Variants in TNS1 observed in about 807,000 individuals in gnomAD.
The protein encoded by TNS1 is tensin-1.
In TNS1, 62 loss-of-function variants were observed where a neutral mutation model predicts 168.6. That is an observed-to-expected ratio of 0.37 (90% CI 0.30 to 0.45). The LOEUF is 0.45. TNS1 is among the 20% of genes least tolerant of loss of function. The pLI, the probability that TNS1 is intolerant of heterozygous loss-of-function variation, is 1.00. For synonymous variants in TNS1, 934 were observed against 933.2 expected, an observed-to-expected ratio of 1.00 and a Z score of -0.02; for missense variants, 2,240 against 2,339.4, an observed-to-expected ratio of 0.96 and a Z score of 0.88.
chr2:217,987,122 G>A (rs940951508), intron 2 of TNS1: 1 of 152,186 alleles, frequency 6.6e-6, no homozygotes, highest in Non-Finnish European at 1.5e-5. Flanking sequence ...GTGAGAAGCA[G>A]GGCCAGAAGT....
upstream of TNS1, among the ~76,000 whole-genome samples, chr2:218,006,651 G>A (rs933473756): frequency 7.9e-5 from 12 of 152,244 alleles, no homozygotes; most frequent in Admixed American, 5.2e-4. Flanking sequence ...AGGGCCTGGT[G>A]AGGACAGGCC....
At chr2:217,849,279 C>T (rs1947146435) in intron 18 of TNS1, among the ~76,000 whole-genome samples, 192 bp from the exon 19 acceptor site, 1 of 152,188 alleles carries the variant, frequency 6.6e-6, no homozygotes, top group African/African-American at 2.4e-5. Flanking sequence ...TGGGGCAGAG[C>T]CTCACCAACA....
intron 4 of TNS1, among the ~76,000 whole-genome samples, chr2:217,916,746 G>A (rs1444504183): frequency 6.6e-6 from 1 of 152,198 alleles, no homozygotes; most frequent in Admixed American, 6.5e-5. Context: ...TTGGCTGGCA[G>A]GGCCTGAAGC....
chr2:218,014,914 AGGAAGGAAG>A (rs1958743476), upstream of TNS1, among the ~76,000 whole-genome samples: 1 of 80,698 alleles, frequency 1.2e-5, no homozygotes, highest in African/African-American at 4.3e-5. Context: ...GAAGGAAGGA[AGGAAGGAAG>A]GCAGGCAGGC....
At chr2:217,844,301 C>T (rs1946364996) in intron 19 of TNS1, among the ~76,000 whole-genome samples, 1 of 152,116 alleles carries the variant, frequency 6.6e-6, no homozygotes, top group South Asian at 2.1e-4. Context: ...ATTGTCCTTC[C>T]TGCCCAGACC....
At chr2:217,960,917 G>C (rs561606729) in intron 3 of TNS1, among the ~76,000 whole-genome samples, 6 of 152,288 alleles carry the variant, frequency 3.9e-5, no homozygotes, top group African/African-American at 1.4e-4. Flanking sequence ...ACCACTCTGA[G>C]CCTCAGTTTC....
intron 32 of TNS1, among the ~76,000 whole-genome samples, chr2:217,804,994 A>G (rs1446663482): frequency 1.3e-5 from 2 of 151,792 alleles, no homozygotes; most frequent in African/African-American, 4.8e-5. Flanking sequence ...CACAACACAT[A>G]TGCCAATCAG....
At chr2:217,983,330 C>G (rs1958104029) in intron 2 of TNS1, among the ~76,000 whole-genome samples, 1 of 152,148 alleles carries the variant, frequency 6.6e-6, no homozygotes, top group African/African-American at 2.4e-5. Flanking sequence ...AAATTACAAA[C>G]CCACGTATGC....
intron 1 of TNS1, among the ~76,000 whole-genome samples, chr2:217,994,772 G>A (rs1574470238): frequency 6.6e-6 from 1 of 152,260 alleles, no homozygotes; most frequent in African/African-American, 2.4e-5. Context: ...GGCAGGGACA[G>A]GGCTTCAGGT....
chr2:217,831,474 G>T lies in TNS1; in HGVS notation c.3354C>A (p.Ile1118=). The T allele has an allele frequency of 6.3e-7, 1 of 1,590,734 alleles. No homozygotes were observed. Residue 1118 remains isoleucine (I), a synonymous_variant, in exon 22 of 33, where the codon ATC becomes ATA. Coordinates refer to ENST00000682258, the MANE Select transcript of TNS1 (RefSeq NM_001387777.1). The part of the protein sequence containing the change: ...LGLKPHNPAD[I]LLHPTGEPRS... ...ACTCACCTCCTGTGGGGTGCAACAG[G>T]ATGTCCGCTGGGTTGTGAGGTTTCA... is the stretch of plus-strand genomic sequence containing the variant.
intron 3 of TNS1, among the ~76,000 whole-genome samples, chr2:217,936,709 T>C (rs942243180): frequency 6.6e-6 from 1 of 151,894 alleles, no homozygotes; most frequent in African/African-American, 2.4e-5. Context: ...CCTCAGAATA[T>C]CCCCCCATCT....
At chr2:217,980,504 CACAGAGAGAG>C (rs766502966) in intron 2 of TNS1, among the ~76,000 whole-genome samples, 1,702 of 131,332 alleles carry the variant, frequency 0.013, 35 homozygotes, top group African/African-American at 0.042. Flanking sequence ...CCTACACACA[CACAGAGAGAG>C]AGAGAGAGAG....
intron 4 of TNS1, among the ~76,000 whole-genome samples, chr2:217,914,837 G>C (rs1397676404): frequency 1.3e-5 from 2 of 152,208 alleles, no homozygotes; most frequent in African/African-American, 4.8e-5. Context: ...ATGAGGAGCT[G>C]AGTTTCCTCC....
intron 18 of TNS1, among the ~76,000 whole-genome samples, chr2:217,853,264 A>C (rs898734330): frequency 6.6e-6 from 1 of 152,172 alleles, no homozygotes; most frequent in African/African-American, 2.4e-5. Flanking sequence ...AGAGGGACTT[A>C]AGGGAGGCTG....
At position 218,002,987 on chromosome 2, in the gene TNS1, C is replaced by T. The variant is rs975222805; in HGVS notation, c.-115G>A. 4.9e-5 allele frequency: 22 copies of T among 453,010 alleles called. No individual in the cohort carries two copies. Among genetic ancestry groups the T allele is most frequent in the African/African-American group, 4.2e-4 (21 of 49,946 alleles). The allele number at this position is 453,010 out of a possible 1,614,324, so 28.1% of individuals were successfully genotyped here. On this transcript the variant is annotated 5_prime_UTR_variant, in exon 1 of 33. Transcript: ENST00000682258. The stretch of plus-strand genomic sequence containing the variant: ...TGAGTCCGCGGCTGCTCCGGCTCCG[C>T]CAGCATCTGCTGGGCCTCTCGCCCT...
chr2:217,884,570 ATC>A (rs1951014478), intron 16 of TNS1, among the ~76,000 whole-genome samples: 1 of 152,074 alleles, frequency 6.6e-6, no homozygotes, highest in African/African-American at 2.4e-5. Context: ...CAGGGTAATT[ATC>A]CCCTGCTAGT....
In TNS1 at chr2:217,938,148, C is replaced by G. The variant is rs114078292; in HGVS notation, c.187-17912G>C. On this transcript the variant is annotated intron_variant, in intron 3 of 32. Transcript: ENST00000682258. ...GCTGTCATCATCATCAACCCAAGCC[C>G]ATTCTTTCTCCAAAAAAAAGCTTAA... Among the ~76,000 whole-genome samples, 909 of 152,318 alleles carry G rather than the reference C, an allele frequency of 6.0e-3. 8 individuals are homozygous for G. The highest frequency in any genetic ancestry group is 0.021 in the African/African-American group (869 of 41,576).
intron 3 of TNS1, among the ~76,000 whole-genome samples, chr2:217,924,117 G>C (rs770128423): frequency 3.3e-5 from 5 of 152,168 alleles, no homozygotes; most frequent in Non-Finnish European, 7.3e-5. Context: ...CACACACAGA[G>C]GTGGGTTCCC....
At chr2:217,876,420 C>A (rs1398296917) in intron 18 of TNS1, among the ~76,000 whole-genome samples, 1 of 152,190 alleles carries the variant, frequency 6.6e-6, no homozygotes, top group African/African-American at 2.4e-5. Context: ...GAGCACTGAG[C>A]CGGCAGGCTC....
Sources: allele counts gnomAD v4.1 joint callset (sites outside exome capture counted in the v4.1 genomes callset), GRCh38; gene constraint gnomAD v4.1.1; transcripts MANE v1.5; gene names NCBI Gene and HGNC (gene_info 2026-07-23, HGNC 2026-07-21).